The following OSBPL5 variants were observed in gnomAD, a reference collection of about 807,000 sequenced individuals.
The protein encoded by OSBPL5 is oxysterol binding protein like 5, also known as oxysterol-binding protein-related protein 5.
A neutral mutation model predicts 111.2 loss-of-function variants in OSBPL5; 71 were observed. The ratio of observed to expected loss-of-function variants is 0.64; its 90% CI spans 0.53 to 0.78. OSBPL5 has a LOEUF of 0.78. Among genes scored for constraint, OSBPL5 ranks in the 30% least tolerant of loss-of-function variants. The pLI, the probability that OSBPL5 is intolerant of heterozygous loss-of-function variation, is 0.00. For missense variants in OSBPL5, 1,210 were observed against 1,189.3 expected (o/e 1.02, Z -0.26); for synonymous variants, 549 against 513.9 (o/e 1.07, Z -0.93).
rs765043900 is a variant in OSBPL5, at chr11:3,104,253, T to C, written c.1184A>G (p.Glu395Gly). The C allele has an allele frequency of 1.2e-6, 2 of 1,613,554 alleles. No individual in the cohort carries two copies. Among genetic ancestry groups the C allele is most frequent in the African/African-American group, 2.7e-5 (2 of 74,932 alleles). Residue 395 changes from glutamate to glycine, a missense_variant, in exon 10 of 22, where the codon GAG becomes GGG. Physicochemically the swap from Glu to Gly is moderately conservative, Grantham distance 98. Transcript: ENST00000263650. The surrounding 1 kb of genome is among the most constrained non-coding windows in gnomAD (Gnocchi z 5.0). Reference protein sequence around the residue: ...SRVVLPTFVLEPRSFLNKLSD... With the variant: ...SRVVLPTFVLGPRSFLNKLSD... ...GAGCTTGTTCAGGAAGGAGCGCGGC[T>C]CCAGTACGAACGTGGGTAGCACCAC...
Position 3,122,117 on chromosome 11 carries a change from C to A in OSBPL5, c.301-19G>T, listed in dbSNP as rs148957926. 1.4e-5 allele frequency: 21 copies of A among 1,547,168 alleles called. No individual in the cohort carries two copies. The highest frequency in any genetic ancestry group is 1.7e-5 in the Non-Finnish European group (20 of 1,151,080). On this transcript the variant is annotated intron_variant, in intron 4 of 21. Transcript: ENST00000263650. ...TCTGCGCCTGGGCCCGGGGCACCCG[C>A]GGTGGGTCATGGGAGAAGGCACCGA...
At chr11:3,131,404 TCTA>T (rs1484304997) in intron 1 of OSBPL5, among the ~76,000 whole-genome samples, 1 of 140,608 alleles carries the variant, frequency 7.1e-6, no homozygotes, top group Non-Finnish European at 1.5e-5. Context: ...CATCCATCCA[TCTA>T]CTGTCATCCC....
At position 3,092,878 on chromosome 11, in the gene OSBPL5, G is replaced by A. The variant is rs1266609640; in HGVS notation, c.2121C>T (p.Tyr707=). The A allele has an allele frequency of 6.5e-7, 1 of 1,546,180 alleles. No individual in the cohort carries two copies. Among genetic ancestry groups the A allele is most frequent in the Non-Finnish European group, 8.8e-7 (1 of 1,142,662 alleles). ...TTGTCGGCACTCACTCCTCGTATCG[G>A]TAGTGCCACTCCTGGGTGATGGGGT... ...HLDPITQEWH[Y]RYEDHSPWDP... The change falls in exon 18 of 22, where the codon TAC becomes TAT. Residue 707 remains tyrosine, a synonymous_variant. Transcript: ENST00000263650. The surrounding 1 kb of genome is among the most constrained non-coding windows in gnomAD (Gnocchi z 5.4).
At chr11:3,103,663 T>C (rs1857533478) in intron 10 of OSBPL5, among the ~76,000 whole-genome samples, 1 of 147,022 alleles carries the variant, frequency 6.8e-6, no homozygotes, top group African/African-American at 2.7e-5. Context: ...TTCCTGCCTC[T>C]GTTGCCCCCT....
chr11:3,143,558 C>T (rs1196608483), intron 1 of OSBPL5, among the ~76,000 whole-genome samples: 1 of 152,200 alleles, frequency 6.6e-6, no homozygotes, highest in Non-Finnish European at 1.5e-5. Context: ...CATGCGACGA[C>T]ACGGATGAGC....
intron 7 of OSBPL5, 47 bp downstream of exon 7, chr11:3,119,500 C>T (rs748351248): frequency 1.3e-6 from 2 of 1,531,658 alleles, no homozygotes; most frequent in Admixed American, 4.4e-5. Context: ...AGGGGGCCCA[C>T]TTCAGGTGGG....
chr11:3,100,264 G>T lies in OSBPL5; in HGVS notation c.1523-8C>A. On this transcript the variant is annotated splice_region_variant and splice_polypyrimidine_tract_variant and intron_variant, in intron 13 of 21. Transcript: ENST00000263650. ...GCGCCGACAGCGAGTTCCCTGCAGAGACAAGAGACAGCAGGACCAGTGAGT... is the reference window on the plus strand; with the variant it reads ...GCGCCGACAGCGAGTTCCCTGCAGATACAAGAGACAGCAGGACCAGTGAGT... 6.2e-7 allele frequency: 1 copy of T among 1,613,436 alleles called. No individual in the cohort carries two copies. Among genetic ancestry groups the T allele is most frequent in the Non-Finnish European group, 8.5e-7 (1 of 1,179,564 alleles).
chr11:3,155,969 A>G (rs571400575), intron 1 of OSBPL5, among the ~76,000 whole-genome samples: 1 of 152,376 alleles, frequency 6.6e-6, no homozygotes, highest in East Asian at 1.9e-4. Flanking sequence ...TTAATTAACA[A>G]AATGTGTTGG....
At chr11:3,131,741 GGCA>G (rs1845797462) in intron 1 of OSBPL5, among the ~76,000 whole-genome samples, 1 of 24,136 alleles carries the variant, frequency 4.1e-5, no homozygotes, top group Non-Finnish European at 8.3e-5. Flanking sequence ...CATCCTCCCA[GGCA>G]TCCATCCATC....
intron 13 of OSBPL5, 27 bp from the exon 14 acceptor site, chr11:3,100,283 A>G: frequency 6.2e-7 from 1 of 1,607,988 alleles, no homozygotes; most frequent in Admixed American, 1.7e-5. Context: ...CAGCAGGACC[A>G]GTGAGTGCGG....
At position 3,104,128 on chromosome 11, in the gene OSBPL5, G is replaced by A; in HGVS notation, c.1244+65C>T. On this transcript the variant is annotated intron_variant, in intron 10 of 21. Coordinates refer to ENST00000263650, the MANE Select transcript of OSBPL5 (RefSeq NM_020896.4). The surrounding 1 kb of genome is among the most constrained non-coding windows in gnomAD (Gnocchi z 5.0). ...CCCACAGGGCAGGTAGGGGCTGGGG[G>A]TGCTGCAGGGTCTCATGCAGATGCA... 2.6e-6 allele frequency: 4 copies of A among 1,510,930 alleles called. No individual in the cohort carries two copies. The highest frequency in any genetic ancestry group is 3.6e-6 in the Non-Finnish European group (4 of 1,113,990). 93.6% of individuals were successfully genotyped at this position (1,510,930 alleles called of 1,614,324 possible).
intron 21 of OSBPL5, among the ~76,000 whole-genome samples, chr11:3,088,982 C>T (rs1029266437): frequency 1.3e-5 from 2 of 152,170 alleles, no homozygotes; most frequent in African/African-American, 4.8e-5. Flanking sequence ...AGCTGGAGTA[C>T]TTTGCCGTGG....
rs1688118017 is a variant in OSBPL5 at position 3,107,543 on chromosome 11, C to T, written c.867-88G>A. ...GCTGCCCACCCCTCGCTGCTCCGCA[C>T]TTCACATACGTTCCTGCCTGTCGTC... On this transcript the variant is annotated intron_variant, in intron 8 of 21. Coordinates refer to ENST00000263650, the MANE Select transcript of OSBPL5 (RefSeq NM_020896.4). This position sits in a 1 kb window ranked among gnomAD's most constrained non-coding sequence, Gnocchi z 6.1. 6.8e-7 allele frequency: 1 copy of T among 1,475,924 alleles called. No individual in the cohort carries two copies. Among genetic ancestry groups the T allele is most frequent in the Non-Finnish European group, 9.3e-7 (1 of 1,071,604 alleles). The allele number at this position is 1,475,924 out of a possible 1,614,324, so 91.4% of individuals were successfully genotyped here.
In OSBPL5 at chr11:3,119,465, C is replaced by T. The variant is rs192553394; in HGVS notation, c.691+82G>A. ...AGTAGAAGGGACTGAACTGGGGCCA[C>T]CTGTACCTGGGCTACAACCTCAAAA... On this transcript the variant is annotated intron_variant, in intron 7 of 21. Transcript: ENST00000263650. 49 of 1,396,658 alleles carry T rather than the reference C, an allele frequency of 3.5e-5. No homozygotes were observed. In the African/African-American group the frequency reaches 7.0e-4, roughly 20 times the overall value. The allele number at this position is 1,396,658 out of a possible 1,614,324, so 86.5% of individuals were successfully genotyped here.
At chr11:3,102,056 G>T in intron 12 of OSBPL5, 127 bp downstream of exon 12, 3 of 909,168 alleles carry the variant, frequency 3.3e-6, no homozygotes, top group Non-Finnish European at 5.0e-6. Context: ...TGTGCAGGAT[G>T]TGGGGTCCCC....
intron 1 of OSBPL5, among the ~76,000 whole-genome samples, chr11:3,153,176 C>G (rs931425364): frequency 6.6e-6 from 1 of 152,092 alleles, no homozygotes; most frequent in South Asian, 2.1e-4. Flanking sequence ...CTCACCTCTC[C>G]GAGCCCCAGT....
chr11:3,122,545 C>T lies in OSBPL5; in HGVS notation c.220-117G>A, dbSNP rs1000607525. On this transcript the variant is annotated intron_variant, in intron 3 of 21. Transcript: ENST00000263650. ...AGAAGTCAGAGAAGGGCGCTCCACTCGTTTCCCGCCTGGCACCCTCCATCC... is the reference window on the plus strand; with the variant it reads ...AGAAGTCAGAGAAGGGCGCTCCACTTGTTTCCCGCCTGGCACCCTCCATCC... 5.2e-5 allele frequency: 45 copies of T among 859,700 alleles called. No homozygotes were observed. In the South Asian group the frequency reaches 6.9e-4, roughly 13 times the overall value. 53.3% of individuals were successfully genotyped at this position (859,700 alleles called of 1,614,324 possible).
intron 14 of OSBPL5, among the ~76,000 whole-genome samples, chr11:3,097,105 G>GGAA (rs1857295999): frequency 2.7e-5 from 1 of 37,606 alleles, no homozygotes; most frequent in African/African-American, 7.4e-5. Flanking sequence ...GGGGGAAGAT[G>GGAA]GGAGGAGGAG....
intron 1 of OSBPL5, chr11:3,164,531 C>T (rs1017128771): frequency 6.6e-6 from 1 of 152,662 alleles, no homozygotes; most frequent in Non-Finnish European, 1.5e-5. Flanking sequence ...GCACCCCGCT[C>T]CCCGGGAGGA....
Sources: allele counts gnomAD v4.1 joint callset (sites outside exome capture counted in the v4.1 genomes callset), GRCh38; gene constraint gnomAD v4.1.1; non-coding constraint Gnocchi (gnomAD v3.1); transcripts MANE v1.5; gene names NCBI Gene and HGNC (gene_info 2026-07-23, HGNC 2026-07-21).